The following RBFOX1 variants were observed in gnomAD, a reference collection of about 807,000 sequenced individuals.
The protein encoded by RBFOX1 is RNA binding protein fox-1 homolog 1.
In RBFOX1, 8 loss-of-function variants were observed where a neutral mutation model predicts 57.7. The ratio of observed to expected loss-of-function variants is 0.14; its 90% CI spans 0.08 to 0.25. RBFOX1 has a LOEUF of 0.25. Among genes scored for constraint, RBFOX1 ranks in the 10% least tolerant of loss-of-function variants. The probability of loss-of-function intolerance (pLI) is 1.00; values close to 1 mark genes in which losing one functional copy is unlikely to be tolerated. For missense variants in RBFOX1, 611 were observed against 548.5 expected (o/e 1.11, Z -1.14); for synonymous variants, 326 against 222.4 (o/e 1.47, Z -4.15).
At chr16:5,907,323 A>G (rs1171108549) in intron 4 of RBFOX1, among the ~76,000 whole-genome samples, 2 of 152,124 alleles carry the variant, frequency 1.3e-5, no homozygotes, top group African/African-American at 2.4e-5. Flanking sequence ...TCTAGATTTC[A>G]TGCCTCTTTC....
chr16:5,482,582 C>G (rs868810208), intron 2 of RBFOX1, among the ~76,000 whole-genome samples: 2 of 152,132 alleles, frequency 1.3e-5, no homozygotes, highest in Admixed American at 6.6e-5. Context: ...GTAGGGACTG[C>G]TTGAAGTGCT....
intron 11 of RBFOX1, among the ~76,000 whole-genome samples, chr16:7,631,639 GGGGT>G (rs2060980182): frequency 6.6e-6 from 1 of 152,154 alleles, no homozygotes; most frequent in Non-Finnish European, 1.5e-5. Flanking sequence ...GCCTGGAGTG[GGGGT>G]GGGGCTGTTT....
rs572825428 is a variant in RBFOX1, at chr16:7,345,816, A to G, written c.28-172331A>G. On this transcript the variant is annotated intron_variant, in intron 4 of 15. Coordinates refer to ENST00000550418, the MANE Select transcript of RBFOX1 (RefSeq NM_018723.4). ...TGTGTATTTTCTTTTTCTTTTTTTA[A>G]TTTTAATTTTTTGTTTTTATTTTTA... is the stretch of plus-strand genomic sequence containing the variant. Among the ~76,000 whole-genome samples, 3 of 152,066 alleles carry G rather than the reference A, an allele frequency of 2.0e-5. No individual in the cohort carries two copies. The South Asian group carries it at 6.2e-4, about 32-fold the overall frequency.
At chr16:5,967,002 G>GA (rs1555458328) in intron 4 of RBFOX1, among the ~76,000 whole-genome samples, 23 of 103,760 alleles carry the variant, frequency 2.2e-4, no homozygotes, top group Non-Finnish European at 4.4e-4. Context: ...GGGGGGGGGG[G>GA]GGTCAATAAA....
At chr16:5,986,386 A>G (rs1204685995) in intron 4 of RBFOX1, among the ~76,000 whole-genome samples, 1 of 152,176 alleles carries the variant, frequency 6.6e-6, no homozygotes, top group African/African-American at 2.4e-5. Context: ...TATTGAGTCA[A>G]TTGTACATTC....
chr16:6,275,319 A>G (rs1599071136), intron 1 of RBFOX1, among the ~76,000 whole-genome samples: 2 of 152,130 alleles, frequency 1.3e-5, no homozygotes, highest in African/African-American at 4.8e-5. Flanking sequence ...TCAAAAAAAA[A>G]AAGAAAAAGA....
intron 1 of RBFOX1, among the ~76,000 whole-genome samples, chr16:6,200,963 GTGAAATCGAGCA>G (rs2097211168): frequency 1.0e-4 from 15 of 147,742 alleles, no homozygotes; most frequent in African/African-American, 3.8e-4. Flanking sequence ...TTTTTTTTAA[GTGAAATCGAGCA>G]TGAGCAAATG....
At chr16:6,251,565 C>T (rs1161963485) in intron 1 of RBFOX1, among the ~76,000 whole-genome samples, 1 of 151,850 alleles carries the variant, frequency 6.6e-6, no homozygotes, top group Non-Finnish European at 1.5e-5. Flanking sequence ...TTTGCTAAAG[C>T]CTCCCCCTAC....
At chr16:5,377,524 G>A (rs1009045234) in intron 1 of RBFOX1, among the ~76,000 whole-genome samples, 2 of 148,916 alleles carry the variant, frequency 1.3e-5, no homozygotes, top group African/African-American at 5.1e-5. Flanking sequence ...TGGGAGGGGA[G>A]GAAGAAGGAC....
chr16:6,925,022 A>G (rs2075281916), intron 3 of RBFOX1, among the ~76,000 whole-genome samples: 2 of 143,114 alleles, frequency 1.4e-5, no homozygotes, highest in Admixed American at 7.3e-5. Flanking sequence ...TGAACTCATC[A>G]TTTTTTATGG....
chr16:7,640,767 G>A (rs554124099), intron 11 of RBFOX1, among the ~76,000 whole-genome samples: 7 of 152,196 alleles, frequency 4.6e-5, no homozygotes, highest in African/African-American at 1.7e-4. Context: ...TTAACTCCTT[G>A]ACAAAACTCA....
At chr16:6,740,786 A>G (rs1248163920) in intron 3 of RBFOX1, among the ~76,000 whole-genome samples, 2 of 152,210 alleles carry the variant, frequency 1.3e-5, no homozygotes, top group South Asian at 2.1e-4. Context: ...TAAAGATGCC[A>G]TTTCTGCTCA....
At chr16:5,908,323 CAT>C (rs201888893) in intron 4 of RBFOX1, among the ~76,000 whole-genome samples, 11 of 138,486 alleles carry the variant, frequency 7.9e-5, no homozygotes, top group South Asian at 2.3e-4. Context: ...TACACACACA[CAT>C]ATATATATGT....
chr16:7,593,056 C>A (rs923588164), intron 7 of RBFOX1, among the ~76,000 whole-genome samples: 6 of 151,088 alleles, frequency 4.0e-5, no homozygotes, highest in Non-Finnish European at 8.8e-5. Context: ...CTCAAGTGAT[C>A]CTCCTGCCTT....
At chr16:6,271,840 A>G (rs903659827) in intron 1 of RBFOX1, among the ~76,000 whole-genome samples, 4 of 152,178 alleles carry the variant, frequency 2.6e-5, no homozygotes, top group Admixed American at 6.5e-5. Context: ...CCAGATCAGG[A>G]GGTTTTTGTT....
intron 3 of RBFOX1, among the ~76,000 whole-genome samples, chr16:6,724,143 A>G (rs150622532): frequency 3.9e-4 from 60 of 152,194 alleles, no homozygotes; most frequent in African/African-American, 1.2e-3. Flanking sequence ...TGCCATTATA[A>G]AAGAGGCTTT....
intron 3 of RBFOX1, among the ~76,000 whole-genome samples, chr16:6,845,483 T>C (rs2093706012): frequency 6.6e-6 from 1 of 152,214 alleles, no homozygotes; most frequent in Non-Finnish European, 1.5e-5. Flanking sequence ...AAAGATCAGA[T>C]GGATGGGGGT....
At chr16:6,830,587 G>T (rs954059110) in intron 3 of RBFOX1, among the ~76,000 whole-genome samples, 2 of 152,160 alleles carry the variant, frequency 1.3e-5, no homozygotes, top group African/African-American at 4.8e-5. Context: ...GGAAATTGAT[G>T]TTGACATCTA....
Position 5,989,843 on chromosome 16 carries a change from A to AACACACACACACACACACACACAC in RBFOX1, c.351+122523_351+122546dup, listed in dbSNP as rs199624083. ...AAATGAGAGACTAGTAACACCCCCT[A>AACACACACACACACACACACACAC]ACACACACACACACACACACACACA... On this transcript the variant is annotated intron_variant, in intron 4 of 19. Coordinates refer to the RBFOX1 transcript ENST00000641259. Among the ~76,000 whole-genome samples the AACACACACACACACACACACACAC allele has an allele frequency of 2.4e-4, 5 of 20,750 alleles. No individual in the cohort carries two copies. In the South Asian group the frequency reaches 0.013, roughly 53 times the overall value. 13.6% of individuals were successfully genotyped at this position (20,750 alleles called of 152,430 possible).
Sources: allele counts gnomAD v4.1 joint callset (sites outside exome capture counted in the v4.1 genomes callset), GRCh38; gene constraint gnomAD v4.1.1; transcripts MANE v1.5; gene names NCBI Gene and HGNC (gene_info 2026-07-23, HGNC 2026-07-21).